Variants in TFCP2 observed in about 807,000 individuals in gnomAD.
TFCP2 encodes alpha-globin transcription factor CP2.
TFCP2 carries 33 observed loss-of-function variants against 73.4 expected under a neutral mutation model. The observed-to-expected ratio is 0.45, with a 90% CI of 0.34 to 0.60. The LOEUF (loss-of-function observed/expected upper bound fraction) is 0.60. Among genes scored for constraint, TFCP2 ranks in the 20% least tolerant of loss-of-function variants. The pLI, the probability that TFCP2 is intolerant of heterozygous loss-of-function variation, is 0.01. For synonymous variants in TFCP2, 193 were observed against 211.6 expected, an observed-to-expected ratio of 0.91 and a Z score of 0.76; for missense variants, 352 against 604.0, an observed-to-expected ratio of 0.58 and a Z score of 4.37.
chr12:51,121,077 C>T (rs1339915497), intron 1 of TFCP2, among the ~76,000 whole-genome samples: 1 of 151,702 alleles, frequency 6.6e-6, no homozygotes, highest in Non-Finnish European at 1.5e-5. Flanking sequence ...CAGAGTACTT[C>T]TGGGTACAAA....
chr12:51,119,337 C>G (rs1229527535), intron 1 of TFCP2, among the ~76,000 whole-genome samples: 1 of 152,192 alleles, frequency 6.6e-6, no homozygotes, highest in East Asian at 1.9e-4. Context: ...AACTTGCAAA[C>G]CAAAGACACA....
chr12:51,170,354 A>ATTTTT (rs1565583653), intron 1 of TFCP2, among the ~76,000 whole-genome samples: 18 of 90,124 alleles, frequency 2.0e-4, no homozygotes, highest in African/African-American at 5.3e-4. Context: ...TTTTTTTTTA[A>ATTTTT]TTTTAAGAGA....
chr12:51,095,091 G>A lies in TFCP2; in HGVS notation c.*150C>T, dbSNP rs142693978. 157 of 835,920 alleles carry A rather than the reference G, an allele frequency of 1.9e-4. No individual in the cohort carries two copies. The East Asian group carries it at 3.7e-3, about 20-fold the overall frequency. 51.8% of individuals were successfully genotyped at this position (835,920 alleles called of 1,614,324 possible). A position where few individuals can be genotyped will look rare whatever the true frequency, so the allele number is the denominator to read the frequency against. On this transcript the variant is annotated 3_prime_UTR_variant, in exon 15 of 15. Transcript: ENST00000257915. ...AGCTTGGGCCAACACAGAGGGCCAG[G>A]ATTCTGCCTCCATGGCCTGGACTCC... is the stretch of plus-strand genomic sequence containing the variant.
chr12:51,165,866 G>C (rs1481774690), intron 1 of TFCP2, among the ~76,000 whole-genome samples: 3 of 152,158 alleles, frequency 2.0e-5, no homozygotes, highest in Non-Finnish European at 4.4e-5. Flanking sequence ...GAAAAACTCT[G>C]AGTAGGGCAT....
At chr12:51,140,964 G>A (rs951509850) in intron 1 of TFCP2, among the ~76,000 whole-genome samples, 13 of 151,906 alleles carry the variant, frequency 8.6e-5, no homozygotes, top group African/African-American at 3.1e-4. Context: ...GCTGAGGCAG[G>A]TGAATCGCTT....
At chr12:51,115,787 C>G (rs1054566313) in intron 4 of TFCP2, among the ~76,000 whole-genome samples, 3 of 152,092 alleles carry the variant, frequency 2.0e-5, no homozygotes, top group Non-Finnish European at 4.4e-5. Context: ...GTGAAAAATG[C>G]CAGTCACAAA....
chr12:51,096,534 G>A (rs1482436580), intron 13 of TFCP2, among the ~76,000 whole-genome samples: 1 of 152,176 alleles, frequency 6.6e-6, no homozygotes, highest in East Asian at 1.9e-4. Flanking sequence ...GTGGCAAAGT[G>A]GAATGGCGAA....
intron 1 of TFCP2, among the ~76,000 whole-genome samples, chr12:51,130,790 C>T (rs1055915003): frequency 5.9e-5 from 9 of 152,002 alleles, no homozygotes; most frequent in Non-Finnish European, 1.5e-5. Flanking sequence ...AGTTTAAGAC[C>T]AGCCTGGCCA....
intron 1 of TFCP2, among the ~76,000 whole-genome samples, chr12:51,166,604 A>G (rs1455301115): frequency 6.6e-6 from 1 of 152,124 alleles, no homozygotes; most frequent in Non-Finnish European, 1.5e-5. Flanking sequence ...GATCATGTTA[A>G]CACTGCCATT....
At chr12:51,124,665 A>G (rs778823566) in intron 1 of TFCP2, 4 of 601,016 alleles carry the variant, frequency 6.7e-6, no homozygotes, top group East Asian at 3.7e-5. Context: ...CAACTTGCAC[A>G]GCTCCATCAG....
At chr12:51,112,303 G>GT (rs1425613347) in intron 4 of TFCP2, among the ~76,000 whole-genome samples, 1 of 152,150 alleles carries the variant, frequency 6.6e-6, no homozygotes, top group Non-Finnish European at 1.5e-5. Context: ...TCATTTCTTT[G>GT]TGTTGGGAAT....
intron 4 of TFCP2, 95 bp from the exon 5 acceptor site, chr12:51,111,078 A>T: frequency 1.2e-6 from 1 of 854,182 alleles, no homozygotes; most frequent in Non-Finnish European, 1.9e-6. Context: ...TGTAGCTACC[A>T]AGATTTTTGT....
intron 1 of TFCP2, chr12:51,125,280 C>T (rs764223026): frequency 3.4e-5 from 19 of 562,546 alleles, no homozygotes; most frequent in Admixed American, 2.5e-4. Flanking sequence ...TCATTTTTGT[C>T]CTGGAATCAG....
intron 1 of TFCP2, among the ~76,000 whole-genome samples, chr12:51,136,120 C>T (rs1306740937): frequency 6.6e-6 from 1 of 151,844 alleles, no homozygotes; most frequent in Non-Finnish European, 1.5e-5. Flanking sequence ...GCCTGGCCAA[C>T]ATAGTGAAAC....
At chr12:51,169,093 C>G (rs922745668) in intron 1 of TFCP2, among the ~76,000 whole-genome samples, 1 of 152,118 alleles carries the variant, frequency 6.6e-6, no homozygotes, top group African/African-American at 2.4e-5. Flanking sequence ...TGAGCCACCA[C>G]ACCTGGTCCC....
At chr12:51,100,816 GA>G (rs966136209) in intron 11 of TFCP2, among the ~76,000 whole-genome samples, 2 of 151,968 alleles carry the variant, frequency 1.3e-5, no homozygotes, top group African/African-American at 4.8e-5. Context: ...CCTGTCTGAA[GA>G]AAAAAACCCC....
chr12:51,170,346 T>TTTTTTTTTC (rs763023193), intron 1 of TFCP2, among the ~76,000 whole-genome samples: 28 of 151,622 alleles, frequency 1.8e-4, no homozygotes, highest in South Asian at 1.0e-3. Context: ...AATCTTTCTT[T>TTTTTTTTTC]TTTTTTAATT....
At position 51,103,719 on chromosome 12, in the gene TFCP2, C is replaced by T. The variant is rs1338030933; in HGVS notation, c.1011G>A (p.Leu337=). The T allele has an allele frequency of 1.2e-6, 2 of 1,614,084 alleles. No individual in the cohort carries two copies. The highest frequency in any genetic ancestry group is 1.7e-6 in the Non-Finnish European group (2 of 1,179,990). Residue 337 remains leucine, a synonymous_variant, in exon 10 of 15, where the codon TTG becomes TTA. Coordinates refer to ENST00000257915, the MANE Select transcript of TFCP2 (RefSeq NM_005653.5). Reference sequence around the variant, plus strand: ...TGAATGTAGAAAAACGATTTCGATGCAACCACTGCTGAGCTTCCTGAGGTG... The same window carrying T: ...TGAATGTAGAAAAACGATTTCGATGTAACCACTGCTGAGCTTCCTGAGGTG... ...TTTPQEAQQW[L]HRNRFSTFTR...
chr12:51,115,575 G>GA (rs1207371063), intron 4 of TFCP2, among the ~76,000 whole-genome samples: 1 of 152,128 alleles, frequency 6.6e-6, no homozygotes, highest in East Asian at 1.9e-4. Flanking sequence ...TAAAAGCAGA[G>GA]ACTCAAACAC....
Sources: gnomAD v4.1 joint callset for allele counts (sites outside exome capture counted in the v4.1 genomes callset) on GRCh38, gnomAD v4.1.1 for gene constraint, MANE v1.5 for transcripts, NCBI Gene and HGNC (gene_info 2026-07-23, HGNC 2026-07-21) for gene names.